ZHX3: variants seen among roughly 807,000 people sequenced by gnomAD.
The protein encoded by ZHX3 is zinc fingers and homeoboxes protein 3.
Under a neutral mutation model 64.5 loss-of-function variants are expected in ZHX3, and 20 were observed. That is an observed-to-expected ratio of 0.31 (90% CI 0.22 to 0.45). The LOEUF (loss-of-function observed/expected upper bound fraction) is 0.45. Among genes scored for constraint, ZHX3 ranks in the 20% least tolerant of loss-of-function variants. The probability of loss-of-function intolerance (pLI) is 1.00; values close to 1 mark genes in which losing one functional copy is unlikely to be tolerated. For synonymous variants in ZHX3, 423 were observed against 461.6 expected, an observed-to-expected ratio of 0.92 and a Z score of 1.07; for missense variants, 1,041 against 1,195.8, an observed-to-expected ratio of 0.87 and a Z score of 1.91.
At chr20:41,313,152 TACTA>T (rs902095334) in intron 1 of ZHX3, among the ~76,000 whole-genome samples, 23 of 152,108 alleles carry the variant, frequency 1.5e-4, no homozygotes, top group East Asian at 9.7e-4. Flanking sequence ...GAATAGACAG[TACTA>T]ACTAACAGTG....
chr20:41,209,075 T>G (rs1171930191), intron 2 of ZHX3, among the ~76,000 whole-genome samples: 3 of 152,208 alleles, frequency 2.0e-5, no homozygotes, highest in African/African-American at 7.2e-5. Flanking sequence ...AAATCATGAG[T>G]GAACTCCCAT....
chr20:41,188,150 CAT>C (rs2036681235), intron 3 of ZHX3, among the ~76,000 whole-genome samples: 1 of 152,194 alleles, frequency 6.6e-6, no homozygotes, highest in African/African-American at 2.4e-5. Flanking sequence ...TTAGCTGCCA[CAT>C]ATGAGTAAGA....
chr20:41,249,183 T>G (rs997357951), intron 2 of ZHX3, among the ~76,000 whole-genome samples: 1 of 151,914 alleles, frequency 6.6e-6, no homozygotes, highest in Non-Finnish European at 1.5e-5. Flanking sequence ...TTCTTCACAC[T>G]AATATAAGAA....
At position 41,317,625 on chromosome 20, in the gene ZHX3, G is replaced by GCGACGC. The variant is rs1397449791; in HGVS notation, c.-367_-362dup. 17 of 149,340 alleles carry GCGACGC rather than the reference G, an allele frequency of 1.1e-4. No individual in the cohort carries two copies. Among genetic ancestry groups the GCGACGC allele is most frequent in the Non-Finnish European group, 2.1e-4 (14 of 66,970 alleles). The allele number at this position is 149,340 out of a possible 1,614,324, so 9.3% of individuals were successfully genotyped here. ...AGGCCCCGCAGAGGCGGCGGCGGCG[G>GCGACGC]CGACGCCGGAGCCGCGGACTGCTGA... On this transcript the variant is annotated 5_prime_UTR_variant, in exon 1 of 4. Transcript: ENST00000683867.
At chr20:41,210,387 C>T (rs1219788551) in intron 2 of ZHX3, among the ~76,000 whole-genome samples, 1 of 152,196 alleles carries the variant, frequency 6.6e-6, no homozygotes, top group Non-Finnish European at 1.5e-5. Context: ...GCTATAAAGA[C>T]ACATGCACAC....
At chr20:41,215,682 C>G (rs1173629199) in intron 2 of ZHX3, among the ~76,000 whole-genome samples, 2 of 151,290 alleles carry the variant, frequency 1.3e-5, no homozygotes, top group African/African-American at 4.9e-5. Context: ...CGCCTGTAAT[C>G]CCAGCACTTT....
chr20:41,312,512 G>A (rs547697731), intron 1 of ZHX3, among the ~76,000 whole-genome samples: 1 of 152,256 alleles, frequency 6.6e-6, no homozygotes, highest in African/African-American at 2.4e-5. Flanking sequence ...CAAGACCACA[G>A]ACCTACCAGA....
At chr20:41,236,462 T>C (rs6016532) in intron 2 of ZHX3, among the ~76,000 whole-genome samples, 10 of 152,212 alleles carry the variant, frequency 6.6e-5, no homozygotes, top group African/African-American at 2.4e-4. Flanking sequence ...TCAGAAATAA[T>C]GCCACATATC....
At chr20:41,251,608 A>T (rs1009077495) in intron 2 of ZHX3, among the ~76,000 whole-genome samples, 1 of 152,166 alleles carries the variant, frequency 6.6e-6, no homozygotes, top group Non-Finnish European at 1.5e-5. Flanking sequence ...CACCAACTAA[A>T]AGGCAAAGAC....
In ZHX3 at chr20:41,181,241, A is replaced by C. The variant is rs2036241469; in HGVS notation, c.*3950T>G. On this transcript the variant is annotated 3_prime_UTR_variant, in exon 4 of 4. Transcript: ENST00000683867. ...GGAAGACTTGACTATGTGGGCCTTCATGTGTCTAGAGGATTTTTCTTCTCC... is the reference window on the plus strand; with the variant it reads ...GGAAGACTTGACTATGTGGGCCTTCCTGTGTCTAGAGGATTTTTCTTCTCC... 1 of 152,186 alleles carries C rather than the reference A, an allele frequency of 6.6e-6. No homozygotes were observed. The highest frequency in any genetic ancestry group is 2.4e-5 in the African/African-American group (1 of 41,452). 9.4% of individuals were successfully genotyped at this position (152,186 alleles called of 1,614,324 possible).
intron 1 of ZHX3, among the ~76,000 whole-genome samples, chr20:41,282,359 A>ATTTTTTTTTTTT (rs1442916638): frequency 8.9e-4 from 54 of 60,652 alleles, no homozygotes; most frequent in Non-Finnish European, 9.9e-4. Flanking sequence ...GACACAATTC[A>ATTTTTTTTTTTT]TCTTTTTTTT....
intron 2 of ZHX3, among the ~76,000 whole-genome samples, chr20:41,217,129 T>C (rs2039586359): frequency 6.6e-6 from 1 of 152,184 alleles, no homozygotes; most frequent in African/African-American, 2.4e-5. Context: ...GTAAATGACA[T>C]TAAAGAATTA....
intron 1 of ZHX3, among the ~76,000 whole-genome samples, chr20:41,290,963 C>T (rs2044207891): frequency 6.6e-6 from 1 of 152,180 alleles, no homozygotes; most frequent in South Asian, 2.1e-4. Context: ...TAATTTGCTT[C>T]CTCCCTGCCT....
chr20:41,256,481 T>C (rs1333520236), intron 2 of ZHX3, among the ~76,000 whole-genome samples: 2 of 152,004 alleles, frequency 1.3e-5, no homozygotes, highest in Admixed American at 1.3e-4. Context: ...CCCTCATTTT[T>C]AGAAGGGGTA....
intron 1 of ZHX3, among the ~76,000 whole-genome samples, chr20:41,298,978 G>C (rs2044676015): frequency 1.3e-5 from 2 of 152,170 alleles, no homozygotes; most frequent in Admixed American, 1.3e-4. Context: ...TACGTAAGAT[G>C]ATGAGTTGGC....
chr20:41,213,406 G>C (rs1242917512), intron 2 of ZHX3, among the ~76,000 whole-genome samples: 2 of 152,170 alleles, frequency 1.3e-5, no homozygotes, highest in African/African-American at 4.8e-5. Flanking sequence ...TTTCAATATA[G>C]GTGACACAGT....
chr20:41,295,590 G>A lies in ZHX3; in HGVS notation c.-245+21919C>T, dbSNP rs140402179. 3.5e-3 allele frequency among the ~76,000 whole-genome samples: 530 copies of A among 152,270 alleles called. 2 individuals carry two copies. The highest frequency in any genetic ancestry group is 5.9e-3 in the Non-Finnish European group (400 of 68,018). ...TAATAAATTTATCAGGAGCCAGCCA[G>A]GCGCGGTGGCTCACGCCTGTAATCC... On this transcript the variant is annotated intron_variant, in intron 1 of 3. Coordinates refer to ENST00000683867, the MANE Select transcript of ZHX3 (RefSeq NM_001384317.1).
At chr20:41,274,028 C>T (rs1392234946) in intron 1 of ZHX3, among the ~76,000 whole-genome samples, 1 of 152,132 alleles carries the variant, frequency 6.6e-6, no homozygotes, top group African/African-American at 2.4e-5. Context: ...TAAGGTGATA[C>T]ACTAACTTCT....
chr20:41,289,684 T>C (rs1208858215), intron 1 of ZHX3, among the ~76,000 whole-genome samples: 1 of 152,044 alleles, frequency 6.6e-6, no homozygotes, highest in Non-Finnish European at 1.5e-5. Context: ...AACAATGTTA[T>C]TTAAGACTGT....
Sources: allele counts gnomAD v4.1 joint callset (sites outside exome capture counted in the v4.1 genomes callset), GRCh38; gene constraint gnomAD v4.1.1; transcripts MANE v1.5; gene names NCBI Gene and HGNC (gene_info 2026-07-23, HGNC 2026-07-21).